PPP1R9A: variants seen among roughly 807,000 people sequenced by gnomAD.
PPP1R9A encodes neurabin-1.
A neutral mutation model predicts 141.9 loss-of-function variants in PPP1R9A; 59 were observed. That is an observed-to-expected ratio of 0.42 (90% CI 0.34 to 0.52). The LOEUF is 0.52. PPP1R9A is among the 20% of genes least tolerant of loss of function. The pLI, the probability that PPP1R9A is intolerant of heterozygous loss-of-function variation, is 0.10. For synonymous variants in PPP1R9A, 500 were observed against 569.7 expected, an observed-to-expected ratio of 0.88 and a Z score of 1.74; for missense variants, 1,444 against 1,611.9, an observed-to-expected ratio of 0.90 and a Z score of 1.78.
chr7:94,925,776 T>C (rs1418571339), intron 2 of PPP1R9A, among the ~76,000 whole-genome samples: 1 of 152,142 alleles, frequency 6.6e-6, no homozygotes, highest in African/African-American at 2.4e-5. Context: ...CTCCTTCCTC[T>C]TCTCCCCCTC....
intron 2 of PPP1R9A, among the ~76,000 whole-genome samples, chr7:95,023,614 C>T (rs535801419): frequency 6.6e-5 from 10 of 152,106 alleles, no homozygotes; most frequent in South Asian, 6.2e-4. Flanking sequence ...AGTGCAGTGG[C>T]GCGATCTTGG....
At chr7:94,944,483 A>C (rs1208551795) in intron 2 of PPP1R9A, among the ~76,000 whole-genome samples, 1 of 145,286 alleles carries the variant, frequency 6.9e-6, no homozygotes, top group Non-Finnish European at 1.5e-5. Context: ...GGTCATTACT[A>C]TCTATGCCTG....
chr7:95,072,823 TTA>T (rs10608765), intron 2 of PPP1R9A, among the ~76,000 whole-genome samples: 33,184 of 91,096 alleles, frequency 0.36, 6,523 homozygotes, highest in Non-Finnish European at 0.43. Context: ...ATAATAATTA[TTA>T]TATATATAAT....
At chr7:94,981,250 T>C (rs1198516881) in intron 2 of PPP1R9A, among the ~76,000 whole-genome samples, 1 of 152,214 alleles carries the variant, frequency 6.6e-6, no homozygotes, top group Non-Finnish European at 1.5e-5. Flanking sequence ...TTTATTTTTT[T>C]TGAGACACAG....
intron 2 of PPP1R9A, among the ~76,000 whole-genome samples, chr7:94,973,925 T>C (rs1799148715): frequency 6.6e-6 from 1 of 152,030 alleles, no homozygotes; most frequent in Non-Finnish European, 1.5e-5. Flanking sequence ...TTATGTTGCC[T>C]AGGCTGGTCT....
intron 3 of PPP1R9A, among the ~76,000 whole-genome samples, chr7:95,116,530 T>A (rs774286211): frequency 5.9e-5 from 9 of 152,096 alleles, no homozygotes; most frequent in Non-Finnish European, 7.4e-5. Flanking sequence ...AACATGAAAT[T>A]TATCTAGATA....
intron 8 of PPP1R9A, among the ~76,000 whole-genome samples, chr7:95,238,765 A>G (rs1404792508): frequency 6.6e-6 from 1 of 152,070 alleles, no homozygotes; most frequent in South Asian, 2.1e-4. Flanking sequence ...TTGATTACTC[A>G]TATTCTAACT....
At chr7:95,097,549 A>C (rs1008232200) in intron 2 of PPP1R9A, among the ~76,000 whole-genome samples, 7 of 152,224 alleles carry the variant, frequency 4.6e-5, no homozygotes, top group African/African-American at 1.7e-4. Flanking sequence ...CTCTAAATCA[A>C]AACCATTTCA....
Position 95,148,032 on chromosome 7 carries a change from A to T in PPP1R9A, c.1650-13835A>T, listed in dbSNP as rs188075929. Among the ~76,000 whole-genome samples the T allele has an allele frequency of 7.6e-3, 1,159 of 152,306 alleles. 27 individuals are homozygous for T. The highest frequency in any genetic ancestry group is 0.04 in the Admixed American group (617 of 15,286). On this transcript the variant is annotated intron_variant, in intron 4 of 19. Coordinates refer to ENST00000433360, the MANE Select transcript of PPP1R9A (RefSeq NM_001166160.2). The stretch of plus-strand genomic sequence containing the variant: ...AAAATGAAAATAGATCATGTTAAAA[A>T]TTTTGGGATGCTGTAAAAGCAGCGC...
At chr7:95,117,716 G>A (rs1042360036) in intron 3 of PPP1R9A, among the ~76,000 whole-genome samples, 1 of 152,082 alleles carries the variant, frequency 6.6e-6, no homozygotes, top group South Asian at 2.1e-4. Context: ...CCTTTTGTAC[G>A]GTAATGAGTA....
intron 5 of PPP1R9A, among the ~76,000 whole-genome samples, chr7:95,181,519 T>A (rs910941447): frequency 7.3e-6 from 1 of 137,868 alleles, no homozygotes; most frequent in African/African-American, 2.6e-5. Flanking sequence ...AATATATATA[T>A]TCCATCATAT....
At chr7:94,983,454 A>C (rs985052948) in intron 2 of PPP1R9A, among the ~76,000 whole-genome samples, 1 of 152,092 alleles carries the variant, frequency 6.6e-6, no homozygotes, top group South Asian at 2.1e-4. Context: ...GATTCTTCCT[A>C]TCCATGAGCA....
At chr7:94,984,748 G>C (rs988568979) in intron 2 of PPP1R9A, among the ~76,000 whole-genome samples, 1 of 151,814 alleles carries the variant, frequency 6.6e-6, no homozygotes, top group East Asian at 1.9e-4. Context: ...CTTGGTAGTG[G>C]TCTATCAATT....
intron 2 of PPP1R9A, among the ~76,000 whole-genome samples, chr7:95,109,144 A>G (rs1184487174): frequency 1.3e-5 from 2 of 152,184 alleles, no homozygotes; most frequent in African/African-American, 4.8e-5. Flanking sequence ...GTGTGTGTAT[A>G]TATATTTTGG....
intron 3 of PPP1R9A, among the ~76,000 whole-genome samples, chr7:95,113,646 T>C (rs1820969180): frequency 6.6e-6 from 1 of 152,008 alleles, no homozygotes; most frequent in East Asian, 1.9e-4. Context: ...CCACTGAGGG[T>C]AAAAAGGATG....
At chr7:95,260,714 C>T (rs2153030808) in intron 12 of PPP1R9A, among the ~76,000 whole-genome samples, 1 of 150,028 alleles carries the variant, frequency 6.7e-6, no homozygotes, top group Non-Finnish European at 1.5e-5. Flanking sequence ...AGAGGAAACA[C>T]AATGTTACTT....
chr7:95,173,396 T>A (rs999229242), intron 5 of PPP1R9A, among the ~76,000 whole-genome samples: 4 of 151,924 alleles, frequency 2.6e-5, no homozygotes, highest in Non-Finnish European at 5.9e-5. Flanking sequence ...TATATCCATG[T>A]AACAAATCTG....
At chr7:95,246,814 T>C (rs1798182205) in intron 8 of PPP1R9A, among the ~76,000 whole-genome samples, 1 of 152,124 alleles carries the variant, frequency 6.6e-6, no homozygotes, top group Non-Finnish European at 1.5e-5. Context: ...GCAAAACAAA[T>C]GTAAACTGTG....
intron 16 of PPP1R9A, among the ~76,000 whole-genome samples, chr7:95,275,363 G>A (rs1049833407): frequency 8.2e-5 from 12 of 145,550 alleles, no homozygotes; most frequent in African/African-American, 1.3e-4. Context: ...AGCCAAGATC[G>A]CACCACTGCA....
Sources: gnomAD v4.1 joint callset for allele counts (sites outside exome capture counted in the v4.1 genomes callset) on GRCh38, gnomAD v4.1.1 for gene constraint, MANE v1.5 for transcripts, NCBI Gene and HGNC (gene_info 2026-07-23, HGNC 2026-07-21) for gene names.